Variants in NLGN4X observed in about 807,000 individuals in gnomAD.
The protein encoded by NLGN4X is neuroligin 4 X-linked.
A neutral mutation model predicts 40.3 loss-of-function variants in NLGN4X; 3 were observed. The ratio of observed to expected loss-of-function variants is 0.07; its 90% CI spans 0.03 to 0.19. The LOEUF (loss-of-function observed/expected upper bound fraction) is 0.19. Among genes scored for constraint, NLGN4X ranks in the 10% least tolerant of loss-of-function variants. NLGN4X has a pLI of 1.00. For synonymous variants in NLGN4X, 270 were observed against 306.8 expected (o/e 0.88, Z 1.25); for missense variants, 382 against 708.3 (o/e 0.54, Z 5.23).
chrX:6,124,165 A>G (rs1443390410), intron 2 of NLGN4X, among the ~76,000 whole-genome samples: 1 of 111,383 alleles, frequency 9.0e-6, no homozygotes, highest in Non-Finnish European at 1.9e-5. Flanking sequence ...ATGGAAGATT[A>G]AAAAGGTGTA....
Position 6,214,470 on chromosome X carries a change from T to C in NLGN4X, c.-306+14071A>G, listed in dbSNP as rs150805746. ...GCACAGGCTCACCCGCAAAAGAGGG[T>C]CGTGGAGCCTCTTTGCCTCTAGGCC... On this transcript the variant is annotated intron_variant, in intron 1 of 5. Transcript: ENST00000381095. Among the ~76,000 whole-genome samples, 604 of 111,636 alleles carry C rather than the reference T, an allele frequency of 5.4e-3. 6 individuals carry two copies. The highest frequency in any genetic ancestry group is 0.019 in the African/African-American group (584 of 30,730).
chrX:5,972,920 G>A (rs181998480), intron 3 of NLGN4X, among the ~76,000 whole-genome samples: 3 of 111,865 alleles, frequency 2.7e-5, no homozygotes, highest in Non-Finnish European at 5.6e-5. Context: ...ATGTCAAATA[G>A]AAATTTATCA....
intron 2 of NLGN4X, among the ~76,000 whole-genome samples, chrX:6,091,050 AAGGG>A (rs200150512): frequency 2.8e-4 from 25 of 88,437 alleles, no homozygotes; most frequent in East Asian, 1.6e-3. Context: ...GGAAGGAAGG[AAGGG>A]AGGGAGGGAG....
intron 1 of NLGN4X, among the ~76,000 whole-genome samples, chrX:6,163,372 A>C (rs950676128): frequency 1.8e-5 from 2 of 112,432 alleles, no homozygotes; most frequent in African/African-American, 6.5e-5. Context: ...GATAAAATGT[A>C]AAGATACACC....
intron 3 of NLGN4X, among the ~76,000 whole-genome samples, chrX:5,998,552 A>C (rs149490122): frequency 2.4e-4 from 27 of 112,314 alleles, no homozygotes; most frequent in African/African-American, 8.7e-4. Flanking sequence ...CACTATCACA[A>C]GATATGAAAA....
At chrX:5,973,697 C>G (rs2035092174) in intron 3 of NLGN4X, among the ~76,000 whole-genome samples, 1 of 110,819 alleles carries the variant, frequency 9.0e-6, no homozygotes, top group Non-Finnish European at 1.9e-5. Flanking sequence ...GTGGCGGGCA[C>G]CTGTAGTCCC....
intron 2 of NLGN4X, among the ~76,000 whole-genome samples, chrX:6,064,758 C>T (rs1417657586): frequency 2.7e-5 from 3 of 111,365 alleles, no homozygotes; most frequent in Non-Finnish European, 3.8e-5. Flanking sequence ...ATTCTCATTA[C>T]TGGATATCTA....
intron 2 of NLGN4X, among the ~76,000 whole-genome samples, chrX:6,149,722 T>C (rs1203054956): frequency 1.8e-5 from 2 of 111,498 alleles, no homozygotes; most frequent in African/African-American, 6.5e-5. Flanking sequence ...TGAAGCAGAA[T>C]CCTTTAATTT....
intron 1 of NLGN4X, among the ~76,000 whole-genome samples, chrX:6,204,670 C>T (rs946815232): frequency 1.8e-5 from 2 of 111,293 alleles, no homozygotes; most frequent in Non-Finnish European, 3.8e-5. Context: ...GTAACGGCAA[C>T]TTCAACTGGG....
intron 1 of NLGN4X, among the ~76,000 whole-genome samples, chrX:6,188,331 C>T (rs1277249031): frequency 8.9e-6 from 1 of 111,956 alleles, no homozygotes; most frequent in Non-Finnish European, 1.9e-5. Flanking sequence ...CCTAAATACT[C>T]CCAAGCTAGA....
At chrX:5,909,941 A>G (rs986180356) in intron 3 of NLGN4X, among the ~76,000 whole-genome samples, 2 of 111,474 alleles carry the variant, frequency 1.8e-5, no homozygotes, top group Non-Finnish European at 1.9e-5. Context: ...CTGTTCCCAA[A>G]ATATCAGGAA....
intron 2 of NLGN4X, among the ~76,000 whole-genome samples, chrX:6,065,803 T>C (rs2037898969): frequency 8.9e-6 from 1 of 111,903 alleles, no homozygotes; most frequent in Admixed American, 9.5e-5. Flanking sequence ...TAAATTTTCC[T>C]TCTGCCTATC....
intron 3 of NLGN4X, among the ~76,000 whole-genome samples, chrX:6,011,073 A>G (rs2036239132): frequency 9.0e-6 from 1 of 111,442 alleles, no homozygotes; most frequent in African/African-American, 3.3e-5. Flanking sequence ...TCTTCCATCC[A>G]TATCTTAAAG....
chrX:6,005,494 G>A (rs1785931998), intron 3 of NLGN4X, among the ~76,000 whole-genome samples: 1 of 110,862 alleles, frequency 9.0e-6, no homozygotes. Flanking sequence ...CACAGCCCTG[G>A]GTTGTCTTCA....
intron 2 of NLGN4X, among the ~76,000 whole-genome samples, chrX:6,058,131 T>C (rs1307430910): frequency 9.0e-6 from 1 of 110,710 alleles, no homozygotes; most frequent in Non-Finnish European, 1.9e-5. Context: ...GGCCTTTCAG[T>C]AAGCCATTAC....
Position 5,903,732 on chromosome X carries a change from C to T in NLGN4X, c.946G>A (p.Glu316Lys). 1.7e-6 allele frequency: 2 copies of T among 1,211,872 alleles called. No homozygotes were observed. Among genetic ancestry groups the T allele is most frequent in the Non-Finnish European group, 2.2e-6 (2 of 895,579 alleles). The change falls in exon 5 of 6, where the codon GAA becomes AAA. Residue 316 changes from glutamate to lysine, a missense_variant. By Grantham distance (56) the Glu-to-Lys change is moderately conservative. Transcript: ENST00000381095. ...CNMLDTTDMV[E>K]CLRNKNYKEL... The stretch of plus-strand genomic sequence containing the variant: ...TTGTAGTTCTTGTTCCGCAGGCATT[C>T]TACCATGTCCGTGGTGTCCAGCATG...
intron 1 of NLGN4X, among the ~76,000 whole-genome samples, chrX:6,179,077 C>T (rs1410110624): frequency 1.1e-3 from 29 of 26,969 alleles, no homozygotes; most frequent in Admixed American, 5.2e-3. Flanking sequence ...CCAGCCTGAG[C>T]GACAAAGCAA....
chrX:6,210,222 G>A (rs896731166), intron 1 of NLGN4X, among the ~76,000 whole-genome samples: 1 of 97,859 alleles, frequency 1.0e-5, no homozygotes, highest in African/African-American at 4.1e-5. Context: ...TTGATTCTTT[G>A]TGCGTGCGTG....
intron 2 of NLGN4X, among the ~76,000 whole-genome samples, chrX:6,140,990 A>T (rs1007162474): frequency 1.8e-5 from 2 of 111,709 alleles, no homozygotes; most frequent in African/African-American, 6.5e-5. Flanking sequence ...TAGCAATTGC[A>T]TGAAGAGATC....
Sources: allele counts gnomAD v4.1 joint callset (sites outside exome capture counted in the v4.1 genomes callset), GRCh38; gene constraint gnomAD v4.1.1; transcripts MANE v1.5; gene names NCBI Gene and HGNC (gene_info 2026-07-23, HGNC 2026-07-21).